TPTE2: variants seen among roughly 807,000 people sequenced by gnomAD.
The protein encoded by TPTE2 is transmembrane phosphoinositide 3-phosphatase and tensin homolog 2.
TPTE2 carries 53 observed loss-of-function variants against 78.6 expected under a neutral mutation model. The ratio of observed to expected loss-of-function variants is 0.67; its 90% CI spans 0.54 to 0.85. The LOEUF is 0.85. TPTE2 is among the 40% of genes least tolerant of loss of function. The probability of loss-of-function intolerance (pLI) is 0.00; values close to 1 mark genes in which losing one functional copy is unlikely to be tolerated. For synonymous variants in TPTE2, 175 were observed against 206.2 expected, an observed-to-expected ratio of 0.85 and a Z score of 1.30; for missense variants, 461 against 623.0, an observed-to-expected ratio of 0.74 and a Z score of 2.77.
chr13:19,456,781 T>A (rs1276921388), intron 10 of TPTE2, among the ~76,000 whole-genome samples: 1 of 152,156 alleles, frequency 6.6e-6, no homozygotes, highest in Non-Finnish European at 1.5e-5. Flanking sequence ...GGGGTGTGTT[T>A]GTGTGGGTTT....
chr13:19,559,166 A>G, the TPTE2 span, among the ~76,000 whole-genome samples: 1 of 152,248 alleles, frequency 6.6e-6, no homozygotes, highest in African/African-American at 2.4e-5. Context: ...GCTGGCTGTA[A>G]CAGTACTGGC....
intron 15 of TPTE2, among the ~76,000 whole-genome samples, chr13:19,435,448 T>C (rs1268839765): frequency 1.3e-5 from 2 of 151,628 alleles, no homozygotes; most frequent in Admixed American, 1.3e-4. Flanking sequence ...GGGGTGTGAG[T>C]GGAGTGGGAA....
chr13:19,552,842 G>A, the TPTE2 span: 41,291 of 77,616 alleles, frequency 0.53, 13,236 homozygotes, highest in East Asian at 0.87. Context: ...AGTATATAAT[G>A]AAAAGTTACT....
chr13:19,450,660 A>T (rs1262164865), intron 11 of TPTE2, among the ~76,000 whole-genome samples: 1 of 152,148 alleles, frequency 6.6e-6, no homozygotes, highest in Non-Finnish European at 1.5e-5. Context: ...GCTGACCAAA[A>T]TGTTTGCCCC....
At chr13:19,512,449 A>G (rs757935580) in intron 1 of TPTE2, among the ~76,000 whole-genome samples, 3 of 152,274 alleles carry the variant, frequency 2.0e-5, no homozygotes, top group Non-Finnish European at 4.4e-5. Flanking sequence ...TTCCATCTTT[A>G]CATCATCTTC....
At chr13:19,521,646 C>T (rs967197416) in intron 1 of TPTE2, among the ~76,000 whole-genome samples, 5 of 151,836 alleles carry the variant, frequency 3.3e-5, no homozygotes, top group African/African-American at 7.2e-5. Flanking sequence ...TCTTTTACTA[C>T]GTTTTTGAGT....
chr13:19,448,829 G>C (rs1478944892), intron 13 of TPTE2, among the ~76,000 whole-genome samples: 2 of 152,172 alleles, frequency 1.3e-5, no homozygotes, highest in Admixed American at 1.3e-4. Context: ...CAAAGGAAAT[G>C]AAATCTGCAC....
intron 10 of TPTE2, among the ~76,000 whole-genome samples, chr13:19,461,792 GT>G (rs1878916796): frequency 1.3e-5 from 2 of 152,064 alleles, no homozygotes; most frequent in South Asian, 4.1e-4. Context: ...CTTAAAGTCT[GT>G]TTTTATCTGA....
intron 3 of TPTE2, among the ~76,000 whole-genome samples, chr13:19,492,043 C>G (rs971592218): frequency 6.6e-6 from 1 of 152,128 alleles, no homozygotes; most frequent in African/African-American, 2.4e-5. Context: ...TGTAAAATCT[C>G]ATTCATTTTG....
chr13:19,519,745 T>C (rs74491682), intron 1 of TPTE2, among the ~76,000 whole-genome samples: 1 of 152,184 alleles, frequency 6.6e-6, no homozygotes, highest in Non-Finnish European at 1.5e-5. Flanking sequence ...TCTTCAAGAT[T>C]GTTTTGGTTA....
At chr13:19,448,075 T>C (rs1051136333) in intron 13 of TPTE2, among the ~76,000 whole-genome samples, 5 of 152,108 alleles carry the variant, frequency 3.3e-5, no homozygotes, top group Non-Finnish European at 7.4e-5. Context: ...GAATCCAAGA[T>C]GGGGAAAGGA....
intron 1 of TPTE2, among the ~76,000 whole-genome samples, chr13:19,514,233 T>A (rs1164434231): frequency 6.6e-6 from 1 of 152,160 alleles, no homozygotes; most frequent in Non-Finnish European, 1.5e-5. Flanking sequence ...GTACCAAGCA[T>A]CCCTCTTCTG....
chr13:19,520,261 G>GT (rs1870069275), intron 1 of TPTE2, among the ~76,000 whole-genome samples: 1 of 151,642 alleles, frequency 6.6e-6, no homozygotes, highest in African/African-American at 2.4e-5. Flanking sequence ...GTTTTGTTTT[G>GT]TTTTTTGTCT....
upstream of TPTE2, among the ~76,000 whole-genome samples, chr13:19,504,777 T>A (rs1457648534): frequency 6.6e-6 from 1 of 152,120 alleles, no homozygotes; most frequent in Non-Finnish European, 1.5e-5. Context: ...TGTATGGCCA[T>A]GGATGATCCT....
upstream of TPTE2, among the ~76,000 whole-genome samples, chr13:19,537,779 A>G (rs552877226): frequency 2.0e-5 from 3 of 149,758 alleles, no homozygotes; most frequent in South Asian, 4.3e-4. Context: ...GGTTTTTAAT[A>G]TTTTTAGTAG....
intron 1 of TPTE2, among the ~76,000 whole-genome samples, chr13:19,497,392 A>G (rs868441937): frequency 0.045 from 5,892 of 132,382 alleles, 122 homozygotes; most frequent in Non-Finnish European, 0.071. Flanking sequence ...GCAGACTTAA[A>G]TGTCCCTGTC....
chr13:19,559,451 C>T, the TPTE2 span, among the ~76,000 whole-genome samples: 3 of 151,552 alleles, frequency 2.0e-5, no homozygotes, highest in East Asian at 5.9e-4. Context: ...CTCCTACCCC[C>T]GAGGAGGCTG....
At position 19,486,736 on chromosome 13, in the gene TPTE2, G is replaced by A. The variant is rs1880686710; in HGVS notation, c.120-4189C>T. Among the ~76,000 whole-genome samples the A allele has an allele frequency of 1.3e-5, 2 of 152,178 alleles. No individual in the cohort carries two copies. Among genetic ancestry groups the A allele is most frequent in the African/African-American group, 2.4e-5 (1 of 41,434 alleles). On this transcript the variant is annotated intron_variant, in intron 3 of 19. Transcript: ENST00000400230. This position sits in a 1 kb window ranked among gnomAD's most constrained non-coding sequence, Gnocchi z 4.3. The stretch of plus-strand genomic sequence containing the variant: ...CTGGACTGAAGATATCTTTGCCAGG[G>A]CTGGCCAAGAGGGGGTGTTTCTCAG...
chr13:19,489,090 C>T lies in TPTE2; in HGVS notation c.119+3760G>A, dbSNP rs377216594. 6.6e-5 allele frequency among the ~76,000 whole-genome samples: 10 copies of T among 152,162 alleles called. 2 individuals carry two copies. The East Asian group carries it at 1.2e-3, about 18-fold the overall frequency. ...GGGAATGGCTAGTCAGTGGAGCAGT[C>T]GGAACAAACATGTCATTGATTAGGC... is the stretch of plus-strand genomic sequence containing the variant. On this transcript the variant is annotated intron_variant, in intron 3 of 19. Coordinates refer to ENST00000400230, the Ensembl canonical transcript of TPTE2.
Sources: gnomAD v4.1 joint callset for allele counts (sites outside exome capture counted in the v4.1 genomes callset) on GRCh38, gnomAD v4.1.1 for gene constraint, Gnocchi (gnomAD v3.1) non-coding constraint, MANE v1.5 for transcripts, NCBI Gene and HGNC (gene_info 2026-07-23, HGNC 2026-07-21) for gene names.